STXBP6: variants seen among roughly 807,000 people sequenced by gnomAD.
STXBP6 encodes syntaxin-binding protein 6.
Under a neutral mutation model 26.9 loss-of-function variants are expected in STXBP6, and 21 were observed. That is an observed-to-expected ratio of 0.78 (90% CI 0.55 to 1.12). The LOEUF is 1.12. Ranked by LOEUF, STXBP6 falls within the 50% of genes most tolerant of loss-of-function variation. The probability of loss-of-function intolerance (pLI) is 0.00; values close to 1 mark genes in which losing one functional copy is unlikely to be tolerated. For missense variants in STXBP6, 232 were observed against 257.9 expected (o/e 0.90, Z 0.69); for synonymous variants, 97 against 92.6 (o/e 1.05, Z -0.27).
At chr14:24,917,215 T>TA (rs1393638301) in intron 2 of STXBP6, among the ~76,000 whole-genome samples, 2 of 152,002 alleles carry the variant, frequency 1.3e-5, no homozygotes, top group Non-Finnish European at 1.5e-5. Flanking sequence ...CACAATTTTG[T>TA]AAAAAAATCT....
intron 1 of STXBP6, among the ~76,000 whole-genome samples, chr14:25,002,140 T>G (rs1027769981): frequency 6.6e-5 from 10 of 152,178 alleles, no homozygotes; most frequent in South Asian, 2.1e-4. Context: ...GGATACTTCA[T>G]GAGGACATTC....
At chr14:24,984,247 A>G (rs1035726534) in intron 1 of STXBP6, among the ~76,000 whole-genome samples, 28 of 152,166 alleles carry the variant, frequency 1.8e-4, no homozygotes, top group African/African-American at 5.3e-4. Context: ...ACAAAAACAA[A>G]AACAAAGAAA....
At chr14:25,042,010 A>T (rs1046785068) in intron 1 of STXBP6, among the ~76,000 whole-genome samples, 8 of 152,210 alleles carry the variant, frequency 5.3e-5, no homozygotes, top group Admixed American at 5.2e-4. Flanking sequence ...ACTGGAAACT[A>T]GTTTGATTTA....
intron 2 of STXBP6, among the ~76,000 whole-genome samples, chr14:24,945,044 T>C (rs751642253): frequency 2.6e-5 from 4 of 151,786 alleles, no homozygotes; most frequent in Non-Finnish European, 5.9e-5. Flanking sequence ...AATCCATGCG[T>C]GATGTCTTGA....
At chr14:24,986,149 G>A (rs896392968) in intron 1 of STXBP6, among the ~76,000 whole-genome samples, 14 of 152,060 alleles carry the variant, frequency 9.2e-5, no homozygotes, top group African/African-American at 3.4e-4. Context: ...TTTTTTCTTG[G>A]GAATTGGCTT....
chr14:24,962,912 T>C (rs1312853716), intron 2 of STXBP6, among the ~76,000 whole-genome samples: 3 of 137,728 alleles, frequency 2.2e-5, no homozygotes, highest in Admixed American at 1.4e-4. Context: ...CAGCAATAGA[T>C]GAATGATCAA....
chr14:24,888,209 T>C (rs142008375), intron 2 of STXBP6, among the ~76,000 whole-genome samples: 1 of 152,014 alleles, frequency 6.6e-6, no homozygotes, highest in East Asian at 1.9e-4. Flanking sequence ...CAAAGACAAA[T>C]GAAATGGAAG....
At chr14:24,906,374 A>T (rs1280888833) in intron 2 of STXBP6, among the ~76,000 whole-genome samples, 1 of 152,204 alleles carries the variant, frequency 6.6e-6, no homozygotes, top group Admixed American at 6.5e-5. Flanking sequence ...ATACGAGGCC[A>T]TTTTAATAAT....
At chr14:24,893,778 C>T (rs900329712) in intron 2 of STXBP6, among the ~76,000 whole-genome samples, 8 of 152,162 alleles carry the variant, frequency 5.3e-5, no homozygotes, top group Admixed American at 2.6e-4. Context: ...AATTAGAAAA[C>T]AGACTTCCTT....
At chr14:24,907,271 C>A (rs192357051) in intron 2 of STXBP6, among the ~76,000 whole-genome samples, 2 of 151,924 alleles carry the variant, frequency 1.3e-5, no homozygotes, top group Non-Finnish European at 2.9e-5. Flanking sequence ...ATAACACATA[C>A]CCCAGAAATC....
intron 1 of STXBP6, among the ~76,000 whole-genome samples, chr14:25,018,884 A>G (rs17109491): frequency 0.19 from 29,094 of 152,204 alleles, 4,095 homozygotes; most frequent in African/African-American, 0.4. Context: ...CATGGGCCAG[A>G]CATTATTCTT....
At chr14:24,956,809 G>A (rs956521266) in intron 2 of STXBP6, among the ~76,000 whole-genome samples, 2 of 152,120 alleles carry the variant, frequency 1.3e-5, no homozygotes, top group Non-Finnish European at 2.9e-5. Context: ...ACAAGTTCTA[G>A]CACTCCTGCT....
chr14:24,839,711 C>T (rs1731098154), intron 4 of STXBP6, among the ~76,000 whole-genome samples: 1 of 152,206 alleles, frequency 6.6e-6, no homozygotes. Context: ...TCTGTGACAA[C>T]TCATTTAATC....
intron 2 of STXBP6, among the ~76,000 whole-genome samples, chr14:24,918,452 C>CCCCACACA (rs1491161719): frequency 6.7e-4 from 89 of 133,398 alleles, no homozygotes; most frequent in Non-Finnish European, 1.3e-3. Context: ...CACACCCCCA[C>CCCCACACA]CACACACACA....
At chr14:24,955,380 T>C (rs900020349) in intron 2 of STXBP6, among the ~76,000 whole-genome samples, 9 of 152,172 alleles carry the variant, frequency 5.9e-5, no homozygotes, top group African/African-American at 1.9e-4. Context: ...AACAGCCAAC[T>C]AACCTGCTGC....
At chr14:25,014,794 C>T (rs1285904255) in intron 1 of STXBP6, among the ~76,000 whole-genome samples, 1 of 152,210 alleles carries the variant, frequency 6.6e-6, no homozygotes, top group Non-Finnish European at 1.5e-5. Flanking sequence ...AAACTCTACA[C>T]AGAAAACTGT....
At chr14:24,906,948 G>A (rs2071404623) in intron 2 of STXBP6, among the ~76,000 whole-genome samples, 1 of 151,990 alleles carries the variant, frequency 6.6e-6, no homozygotes. Context: ...ATTCGTATGT[G>A]GGAACTAAAA....
At chr14:24,816,551 C>A (rs1291949737) in intron 5 of STXBP6, 7 of 152,132 alleles carry the variant, frequency 4.6e-5, no homozygotes, top group African/African-American at 1.7e-4. Context: ...CCTCTTCCCC[C>A]CGAGATGACC....
In STXBP6 at chr14:24,840,962, T is replaced by C. The variant is rs374399959; in HGVS notation, c.451+14974A>G. Among the ~76,000 whole-genome samples the C allele has an allele frequency of 5.3e-5, 8 of 152,328 alleles. No homozygotes were observed. In the East Asian group the frequency reaches 1.5e-3, roughly 29 times the overall value. The stretch of plus-strand genomic sequence containing the variant: ...CTTATTACTTTTGTTTAGAATTTTA[T>C]CTCCAGTTATTTCAAGAAAACATTC... On this transcript the variant is annotated intron_variant, in intron 4 of 5. Coordinates refer to ENST00000323944, the MANE Select transcript of STXBP6 (RefSeq NM_001394410.1).
Sources: gnomAD v4.1 joint callset for allele counts (sites outside exome capture counted in the v4.1 genomes callset) on GRCh38, gnomAD v4.1.1 for gene constraint, MANE v1.5 for transcripts, NCBI Gene and HGNC (gene_info 2026-07-23, HGNC 2026-07-21) for gene names.